Variants in PDE4B observed in about 807,000 individuals in gnomAD.
The protein encoded by PDE4B is 3',5'-cyclic-AMP phosphodiesterase 4B.
In PDE4B, 20 loss-of-function variants were observed where a neutral mutation model predicts 82.2. The observed-to-expected ratio is 0.24, with a 90% CI of 0.17 to 0.35. PDE4B has a LOEUF of 0.35. Ranked by LOEUF, PDE4B falls within the 10% of genes least tolerant of loss-of-function variation. PDE4B has a pLI of 1.00. For missense variants in PDE4B, 655 were observed against 907.2 expected, an observed-to-expected ratio of 0.72 and a Z score of 3.57; for synonymous variants, 320 against 318.9, an observed-to-expected ratio of 1.00 and a Z score of -0.04.
chr1:65,910,327 C>T (rs1397755459), intron 1 of PDE4B, among the ~76,000 whole-genome samples: 1 of 152,158 alleles, frequency 6.6e-6, no homozygotes, highest in Non-Finnish European at 1.5e-5. Context: ...TGCTTGCCGA[C>T]CTTTTCTCAA....
chr1:65,857,458 G>A (rs1170209740), intron 1 of PDE4B, among the ~76,000 whole-genome samples: 1 of 152,060 alleles, frequency 6.6e-6, no homozygotes, highest in Non-Finnish European at 1.5e-5. Flanking sequence ...CCAGGGTCTT[G>A]TAGTTTCAAA....
chr1:66,244,448 G>A (rs770479068), intron 3 of PDE4B, among the ~76,000 whole-genome samples: 1 of 152,128 alleles, frequency 6.6e-6, no homozygotes, highest in Non-Finnish European at 1.5e-5. Context: ...GTTTGTTTCT[G>A]CTACTGTAGA....
chr1:66,112,004 C>T (rs1490669512), intron 3 of PDE4B, among the ~76,000 whole-genome samples: 5 of 152,018 alleles, frequency 3.3e-5, no homozygotes, highest in African/African-American at 7.2e-5. Context: ...ATTTTAGAAC[C>T]TTTGCATTTT....
chr1:66,004,485 TC>T (rs1652039044), intron 3 of PDE4B, among the ~76,000 whole-genome samples: 1 of 152,150 alleles, frequency 6.6e-6, no homozygotes, highest in African/African-American at 2.4e-5. Context: ...GTAATCACTC[TC>T]ATTCATCACA....
chr1:66,220,437 T>C (rs143911698), intron 3 of PDE4B, among the ~76,000 whole-genome samples: 2 of 152,304 alleles, frequency 1.3e-5, no homozygotes, highest in African/African-American at 4.8e-5. Flanking sequence ...ATCCTCTTAA[T>C]GCAGTATGAA....
At chr1:66,033,210 T>G (rs1653886932) in intron 3 of PDE4B, among the ~76,000 whole-genome samples, 3 of 152,182 alleles carry the variant, frequency 2.0e-5, no homozygotes, top group Non-Finnish European at 4.4e-5. Flanking sequence ...GTGCCTTCTA[T>G]CCCTAGAAGT....
At chr1:66,104,308 T>C (rs1258771640) in intron 3 of PDE4B, among the ~76,000 whole-genome samples, 3 of 151,498 alleles carry the variant, frequency 2.0e-5, no homozygotes, top group Admixed American at 2.0e-4. Flanking sequence ...ATGGTGTATA[T>C]GTGCCACATT....
intron 3 of PDE4B, among the ~76,000 whole-genome samples, chr1:66,120,420 A>G (rs932394449): frequency 5.3e-5 from 8 of 152,146 alleles, no homozygotes; most frequent in Non-Finnish European, 8.8e-5. Flanking sequence ...TAGAGGAAAG[A>G]CGTGCTGTGT....
intron 3 of PDE4B, among the ~76,000 whole-genome samples, chr1:66,058,934 A>G (rs995111531): frequency 6.6e-6 from 1 of 152,250 alleles, no homozygotes; most frequent in Admixed American, 6.5e-5. Flanking sequence ...TCCTCAGAAT[A>G]TGGGATTTTC....
chr1:65,809,332 CAAAAAAAAAAAAAAAAAA>C (rs11366228), intron 1 of PDE4B, among the ~76,000 whole-genome samples: 1 of 72,514 alleles, frequency 1.4e-5, no homozygotes, highest in African/African-American at 5.4e-5. Flanking sequence ...CTCCATCTCA[CAAAAAAAAAAAAAAAAAA>C]AAAAAAAAAA....
chr1:66,331,288 G>A (rs1660088655), intron 7 of PDE4B, among the ~76,000 whole-genome samples: 1 of 152,156 alleles, frequency 6.6e-6, no homozygotes, highest in Non-Finnish European at 1.5e-5. Context: ...CCTATTGTGT[G>A]TTTGTATTTC....
At chr1:65,792,781 G>T (rs886739779), upstream of PDE4B, among the ~76,000 whole-genome samples, 2 of 151,886 alleles carry the variant, frequency 1.3e-5, no homozygotes, top group Non-Finnish European at 2.9e-5. Context: ...CGGTCACATT[G>T]TTATTCCCCG....
intron 3 of PDE4B, among the ~76,000 whole-genome samples, chr1:66,242,314 A>G (rs1157522368): frequency 6.6e-6 from 1 of 152,228 alleles, no homozygotes; most frequent in Non-Finnish European, 1.5e-5. Flanking sequence ...ATTCAATGAT[A>G]TAAAAGAGAC....
chr1:65,799,251 A>G (rs1034251143), intron 1 of PDE4B, among the ~76,000 whole-genome samples: 1 of 152,206 alleles, frequency 6.6e-6, no homozygotes, highest in African/African-American at 2.4e-5. Flanking sequence ...AAGTTCCTTC[A>G]GTTCAGTGAT....
intron 3 of PDE4B, among the ~76,000 whole-genome samples, chr1:66,170,366 A>G (rs924038137): frequency 1.3e-5 from 2 of 152,240 alleles, no homozygotes; most frequent in Admixed American, 1.3e-4. Flanking sequence ...ACATTTACAC[A>G]TTAAAATTTC....
intron 8 of PDE4B, among the ~76,000 whole-genome samples, chr1:66,347,227 T>C (rs1661465594): frequency 6.6e-6 from 1 of 152,158 alleles, no homozygotes; most frequent in South Asian, 2.1e-4. Context: ...GTTCAAAGCA[T>C]CTCTCCATCT....
Position 66,354,889 on chromosome 1 carries a change from A to G in PDE4B, c.748-638A>G, listed in dbSNP as rs1174927900. On this transcript the variant is annotated intron_variant, in intron 8 of 16. Coordinates refer to ENST00000341517, the MANE Select transcript of PDE4B (RefSeq NM_002600.4). ...TTTGTTATCTGTATCTTGGGGTTAC[A>G]TCAAGGTGGGTTAATTTGATTGTGT... 6 of 1,535,628 alleles carry G rather than the reference A, an allele frequency of 3.9e-6. No homozygotes were observed. The Admixed American group carries it at 1.2e-4, about 30-fold the overall frequency.
chr1:66,326,917 A>C (rs1008151874), intron 7 of PDE4B, among the ~76,000 whole-genome samples: 1 of 152,194 alleles, frequency 6.6e-6, no homozygotes, highest in Non-Finnish European at 1.5e-5. Flanking sequence ...CCAGATACAT[A>C]AAGGGCCCCT....
intron 3 of PDE4B, among the ~76,000 whole-genome samples, chr1:66,010,746 C>A (rs1012571818): frequency 6.7e-6 from 1 of 148,508 alleles, no homozygotes; most frequent in East Asian, 2.1e-4. Context: ...TCAGCCTCAT[C>A]ATCCCCACGA....
Sources: gnomAD v4.1 joint callset for allele counts (sites outside exome capture counted in the v4.1 genomes callset) on GRCh38, gnomAD v4.1.1 for gene constraint, MANE v1.5 for transcripts, NCBI Gene and HGNC (gene_info 2026-07-23, HGNC 2026-07-21) for gene names.